Variants in UGT1A9 observed in about 807,000 individuals in gnomAD.
UGT1A9 encodes UDP glucuronosyltransferase family 1 member A9.
In UGT1A9, 35 loss-of-function variants were observed where a neutral mutation model predicts 45.0. That is an observed-to-expected ratio of 0.78 (90% CI 0.59 to 1.03). The LOEUF is 1.03. UGT1A9 is among the 50% of genes least tolerant of loss of function. The pLI, the probability that UGT1A9 is intolerant of heterozygous loss-of-function variation, is 0.00. For synonymous variants in UGT1A9, 278 were observed against 250.6 expected (o/e 1.11, Z -1.03); for missense variants, 687 against 666.6 (o/e 1.03, Z -0.34).
At chr2:233,739,447 A>G (rs1387114794) in intron 1 of UGT1A9, among the ~76,000 whole-genome samples, 2 of 152,208 alleles carry the variant, frequency 1.3e-5, no homozygotes, top group East Asian at 3.8e-4. Flanking sequence ...CTGCAAAGCC[A>G]CAGGGTTGGA....
At chr2:233,693,451 A>G (rs1260557973) in intron 1 of UGT1A9, 1 of 1,614,126 alleles carries the variant, frequency 6.2e-7, no homozygotes, top group Non-Finnish European at 8.5e-7. Context: ...CTCTTTTCAC[A>G]GACCCAGCCT....
chr2:233,706,284 C>G (rs1160416352), intron 1 of UGT1A9, among the ~76,000 whole-genome samples: 2 of 151,946 alleles, frequency 1.3e-5, no homozygotes, highest in Non-Finnish European at 1.5e-5. Flanking sequence ...AGGGGTGGGG[C>G]CCAGTGCCAG....
intron 1 of UGT1A9, among the ~76,000 whole-genome samples, chr2:233,724,823 G>C (rs377063392): frequency 1.5e-5 from 2 of 135,304 alleles, no homozygotes; most frequent in Admixed American, 7.3e-5. Context: ...CTGCAATCTC[G>C]GCACTTTGGG....
At chr2:233,718,247 CA>C (rs1259915716) in intron 1 of UGT1A9, among the ~76,000 whole-genome samples, 1 of 152,186 alleles carries the variant, frequency 6.6e-6, no homozygotes, top group African/African-American at 2.4e-5. Flanking sequence ...TTGAGCTTTA[CA>C]AGAAATATCC....
At chr2:233,713,574 C>G in intron 1 of UGT1A9, 2 of 1,613,974 alleles carry the variant, frequency 1.2e-6, no homozygotes, top group Non-Finnish European at 1.7e-6. Context: ...CTCCTATATT[C>G]CTAGATTACT....
At chr2:233,744,448 G>C (rs1692820883) in intron 1 of UGT1A9, among the ~76,000 whole-genome samples, 1 of 151,846 alleles carries the variant, frequency 6.6e-6, no homozygotes, top group African/African-American at 2.4e-5. Context: ...TACTGCATTA[G>C]AGATTAAAAC....
rs376801837 is a variant in UGT1A9 at position 233,681,892 on chromosome 2, T to C, written c.855+9103T>C. On this transcript the variant is annotated intron_variant, in intron 1 of 4. Transcript: ENST00000354728. ...TGTACTTCTTCCACTTACTATATTA[T>C]AGGAGCTTAGAATCCCAGCTGCTGG... The C allele has an allele frequency of 1.4e-5, 22 of 1,586,758 alleles. No homozygotes were observed. The African/African-American group carries it at 2.2e-4, about 16-fold the overall frequency.
chr2:233,729,776 C>T lies in UGT1A9; in HGVS notation c.856-37258C>T, dbSNP rs139850391. The T allele has an allele frequency of 1.9e-4, 310 of 1,613,846 alleles. 1 individual carries two copies. Among genetic ancestry groups the T allele is most frequent in the Non-Finnish European group, 2.3e-4 (267 of 1,179,864 alleles). ...CAAAGGGTCAAGAACATGCTCTACCCTCTGGCCCTGTCCTACATTTGCCAT... is the reference window on the plus strand; with the variant it reads ...CAAAGGGTCAAGAACATGCTCTACCTTCTGGCCCTGTCCTACATTTGCCAT... On this transcript the variant is annotated intron_variant, in intron 1 of 4. Transcript: ENST00000354728.
At chr2:233,693,048 T>A in intron 1 of UGT1A9, 1 of 1,614,120 alleles carries the variant, frequency 6.2e-7, no homozygotes, top group South Asian at 1.1e-5. Context: ...TCTGCAGGGG[T>A]TTTCTTCTTA....
chr2:233,698,651 A>G (rs2075452461), intron 1 of UGT1A9, among the ~76,000 whole-genome samples: 2 of 152,254 alleles, frequency 1.3e-5, no homozygotes, highest in African/African-American at 4.8e-5. Flanking sequence ...AGCATGCTTT[A>G]TAGGTAACTA....
rs369139290 is a variant in UGT1A9, at chr2:233,718,874, C to T, written c.855+46085C>T. On this transcript the variant is annotated intron_variant, in intron 1 of 4. Transcript: ENST00000354728. The stretch of plus-strand genomic sequence containing the variant: ...CGCGGCTGGCCACAGGACTGCTGCT[C>T]CTCCTCAGTGTCCAGCCCTGGGCTG... 2.2e-4 allele frequency: 356 copies of T among 1,613,870 alleles called. 2 individuals carry two copies. The highest frequency in any genetic ancestry group is 7.5e-4 in the Admixed American group (45 of 60,022).
chr2:233,682,788 C>T (rs757573093), intron 1 of UGT1A9: 1 of 1,611,896 alleles, frequency 6.2e-7, no homozygotes, highest in African/African-American at 1.3e-5. Context: ...AAGCCAGTGC[C>T]TATGGTAAGT....
At position 233,681,794 on chromosome 2, in the gene UGT1A9, A is replaced by T. The variant is rs1316396995; in HGVS notation, c.855+9005A>T. On this transcript the variant is annotated intron_variant, in intron 1 of 4. Coordinates refer to ENST00000354728, the MANE Select transcript of UGT1A9 (RefSeq NM_021027.3). ...ACTCATGTATTATTATGAGTAAATCATTGGCAGTGAATGTGAATTTTTTTT... is the reference window on the plus strand; with the variant it reads ...ACTCATGTATTATTATGAGTAAATCTTTGGCAGTGAATGTGAATTTTTTTT... 3.4e-6 allele frequency: 5 copies of T among 1,470,914 alleles called. No individual in the cohort carries two copies. In the South Asian group the frequency reaches 4.4e-5, roughly 13 times the overall value. The allele number at this position is 1,470,914 out of a possible 1,614,324, so 91.1% of individuals were successfully genotyped here. A position where few individuals can be genotyped will look rare whatever the true frequency, so the allele number is the denominator to read the frequency against.
intron 1 of UGT1A9, among the ~76,000 whole-genome samples, chr2:233,753,908 C>T (rs1252814204): frequency 6.6e-6 from 1 of 152,246 alleles, no homozygotes; most frequent in South Asian, 2.1e-4. Context: ...CTTCTTACAC[C>T]GATTTCAGCT....
At chr2:233,698,599 A>G (rs1335683443) in intron 1 of UGT1A9, among the ~76,000 whole-genome samples, 2 of 152,236 alleles carry the variant, frequency 1.3e-5, no homozygotes, top group African/African-American at 2.4e-5. Flanking sequence ...AGAAATTCGG[A>G]TTAATAAACA....
At chr2:233,690,053 T>C in intron 1 of UGT1A9, 1 of 402,506 alleles carries the variant, frequency 2.5e-6, no homozygotes, top group South Asian at 1.8e-5. Flanking sequence ...TTCTGACTTC[T>C]GCAGCCCCAC....
chr2:233,685,346 A>C (rs930458556), intron 1 of UGT1A9, among the ~76,000 whole-genome samples: 1 of 152,100 alleles, frequency 6.6e-6, no homozygotes, highest in African/African-American at 2.4e-5. Flanking sequence ...AAGTGGTTTT[A>C]ATGAGAAAAA....
chr2:233,760,182 T>C lies in UGT1A9; in HGVS notation c.856-6852T>C, dbSNP rs34547608. The C allele has an allele frequency of 4.0e-3, 6,144 of 1,550,378 alleles. 201 individuals are homozygous for C. The African/African-American group carries it at 0.074, about 19-fold the overall frequency. Reference sequence around the variant, plus strand: ...ACCTTTGTGGACTGACAGCTTTTTATAGTCACGTGACACAGTCAAACATTA... The same window carrying C: ...ACCTTTGTGGACTGACAGCTTTTTACAGTCACGTGACACAGTCAAACATTA... On this transcript the variant is annotated intron_variant, in intron 1 of 4. Transcript: ENST00000354728.
chr2:233,684,280 A>G (rs2074671644), intron 1 of UGT1A9, among the ~76,000 whole-genome samples: 1 of 152,204 alleles, frequency 6.6e-6, no homozygotes, highest in East Asian at 1.9e-4. Flanking sequence ...ATGAAACATG[A>G]CTTTCAGCTC....
Sources: allele counts gnomAD v4.1 joint callset (sites outside exome capture counted in the v4.1 genomes callset), GRCh38; gene constraint gnomAD v4.1.1; transcripts MANE v1.5; gene names NCBI Gene and HGNC (gene_info 2026-07-23, HGNC 2026-07-21).